PNPLA7: variants seen among roughly 807,000 people sequenced by gnomAD.
PNPLA7 encodes the protein patatin like domain 7, lysophospholipase, also known as patatin-like phospholipase domain-containing protein 7.
In PNPLA7, 153 loss-of-function variants were observed where a neutral mutation model predicts 161.7. That is an observed-to-expected ratio of 0.95 (90% CI 0.83 to 1.08). The LOEUF (loss-of-function observed/expected upper bound fraction) is 1.08, where lower values mean the gene tolerates loss of function less well. PNPLA7 is among the 50% of genes least tolerant of loss of function. The probability of loss-of-function intolerance (pLI) is 0.00; values close to 1 mark genes in which losing one functional copy is unlikely to be tolerated. For missense variants in PNPLA7, 1,739 were observed against 1,856.6 expected (o/e 0.94, Z 1.16); for synonymous variants, 809 against 782.1 (o/e 1.03, Z -0.57).
chr9:137,513,473 T>C (rs1834342348), intron 12 of PNPLA7, among the ~76,000 whole-genome samples: 1 of 136,860 alleles, frequency 7.3e-6, no homozygotes, highest in African/African-American at 2.7e-5. Context: ...TGAAACTCTG[T>C]CACAAAAAAA....
chr9:137,526,862 T>C (rs955585934), intron 8 of PNPLA7, among the ~76,000 whole-genome samples: 2 of 152,242 alleles, frequency 1.3e-5, no homozygotes, highest in African/African-American at 4.8e-5. Context: ...TAGATAATCA[T>C]GTTTGGGAAT....
chr9:137,475,214 A>C lies in PNPLA7; in HGVS notation c.2882+2820T>G, dbSNP rs1413530980. Among the ~76,000 whole-genome samples the C allele has an allele frequency of 6.0e-5, 9 of 151,176 alleles. No homozygotes were observed. The East Asian group carries it at 1.8e-3, about 30-fold the overall frequency. On this transcript the variant is annotated intron_variant, in intron 25 of 34. Transcript: ENST00000406427. ...CCCATCATGCACTTTCAGAATACCAAGAGTGCAGAGTCTCAGGCCAGGCAC... is the reference window on the plus strand; with the variant it reads ...CCCATCATGCACTTTCAGAATACCACGAGTGCAGAGTCTCAGGCCAGGCAC...
At chr9:137,492,038 G>A (rs1358472985) in intron 20 of PNPLA7, 1 of 985,316 alleles carries the variant, frequency 1.0e-6, no homozygotes. Flanking sequence ...GGAGCTCCCA[G>A]AATGGCAAGG....
chr9:137,478,443 G>A (rs915394934), intron 24 of PNPLA7: 1 of 310,938 alleles, frequency 3.2e-6, no homozygotes, highest in Non-Finnish European at 5.9e-6. Context: ...GGGCCAGAAG[G>A]CATCCTCAGA....
At chr9:137,483,440 T>A (rs1273542768) in intron 21 of PNPLA7, among the ~76,000 whole-genome samples, 1 of 152,222 alleles carries the variant, frequency 6.6e-6, no homozygotes, top group Non-Finnish European at 1.5e-5. Flanking sequence ...TTTAAAATTT[T>A]GTTTTGAGAG....
intron 14 of PNPLA7, among the ~76,000 whole-genome samples, chr9:137,505,200 A>G (rs1382712611): frequency 6.6e-6 from 1 of 151,678 alleles, no homozygotes; most frequent in Non-Finnish European, 1.5e-5. Flanking sequence ...AAAAAAAAAA[A>G]AAAAAAAAAG....
At chr9:137,504,804 A>G (rs1485467759) in intron 14 of PNPLA7, among the ~76,000 whole-genome samples, 1 of 152,222 alleles carries the variant, frequency 6.6e-6, no homozygotes, top group Non-Finnish European at 1.5e-5. Flanking sequence ...GTACAGCTGT[A>G]AAGTGATTAG....
intron 26 of PNPLA7, among the ~76,000 whole-genome samples, chr9:137,465,423 C>A (rs1161952518): frequency 1.3e-5 from 2 of 152,300 alleles, no homozygotes; most frequent in Middle Eastern, 6.8e-3. Context: ...GCCCCCCAGC[C>A]CCAGACCCAC....
At chr9:137,461,359 G>A (rs1831184541) in intron 33 of PNPLA7, 177 bp downstream of exon 33, 2 of 652,254 alleles carry the variant, frequency 3.1e-6, no homozygotes, top group Non-Finnish European at 5.1e-6. Flanking sequence ...CCACTGCTGT[G>A]GGAACACGTG....
intron 21 of PNPLA7, among the ~76,000 whole-genome samples, chr9:137,483,457 T>G (rs970927671): frequency 2.6e-5 from 4 of 152,188 alleles, no homozygotes; most frequent in Admixed American, 2.6e-4. Flanking sequence ...AGAGTAACTT[T>G]CATTTATTTA....
At chr9:137,488,821 A>G (rs1832626660) in intron 20 of PNPLA7, among the ~76,000 whole-genome samples, 1 of 144,634 alleles carries the variant, frequency 6.9e-6, no homozygotes, top group African/African-American at 2.6e-5. Flanking sequence ...ACCAGCAGAC[A>G]TCCCTCCAAC....
Position 137,479,099 on chromosome 9 carries a change from C to T in PNPLA7, c.2720G>A (p.Cys907Tyr). ...RSWCSGHLHL[C>Y]CPRRVFSRRS... is the part of the protein sequence containing the mutation. ...CCTGGAGAAGACGCGGCGCGGGCAG[C>T]AGAGGTGCAGGTGGCCGGAGCACCA... is the stretch of plus-strand genomic sequence containing the variant. The change falls in exon 24 of 35, where the codon TGC becomes TAC. Residue 907 changes from cysteine (C) to tyrosine (Y), a missense_variant. Physicochemically the swap from Cys to Tyr is radical, Grantham distance 194 (BLOSUM62 -2). Coordinates refer to ENST00000406427, the MANE Select transcript of PNPLA7 (RefSeq NM_001098537.3). 6.3e-7 allele frequency: 1 copy of T among 1,599,900 alleles called. No individual in the cohort carries two copies. The highest frequency in any genetic ancestry group is 8.5e-7 in the Non-Finnish European group (1 of 1,173,920).
rs920126742 is a variant in PNPLA7 at position 137,547,459 on chromosome 9, C to T, written c.106-63G>A. 1.9e-6 allele frequency: 3 copies of T among 1,599,252 alleles called. No homozygotes were observed. The highest frequency in any genetic ancestry group is 2.7e-5 in the African/African-American group (2 of 74,614). ...CCACAAACCTAACCCTAGCCCTAAG[C>T]CTGCCCCCACCCCTGGCTGCCCAAC... On this transcript the variant is annotated intron_variant, in intron 2 of 34. Coordinates refer to ENST00000406427, the MANE Select transcript of PNPLA7 (RefSeq NM_001098537.3). This position sits in a 1 kb window ranked among gnomAD's most constrained non-coding sequence, Gnocchi z 4.6.
chr9:137,533,070 G>A (rs1469970654), intron 8 of PNPLA7, among the ~76,000 whole-genome samples: 3 of 149,798 alleles, frequency 2.0e-5, no homozygotes, highest in African/African-American at 7.4e-5. Flanking sequence ...CCAGATGGGA[G>A]CACTCTCAGA....
Position 137,486,162 on chromosome 9 carries a change from C to T in PNPLA7, c.2198-1426G>A, listed in dbSNP as rs957881316. Among the ~76,000 whole-genome samples, 2 of 152,018 alleles carry T rather than the reference C, an allele frequency of 1.3e-5. No homozygotes were observed. The highest frequency in any genetic ancestry group is 4.8e-5 in the African/African-American group (2 of 41,376). ...CCAAAATCCACCAGACACGCAGGTC[C>T]TGATTGGCCAAGGTCAGAGTAAGGG... On this transcript the variant is annotated intron_variant, in intron 20 of 34. Transcript: ENST00000406427. This position sits in a 1 kb window ranked among gnomAD's most constrained non-coding sequence, Gnocchi z 6.0.
chr9:137,519,328 C>G (rs536310621), intron 11 of PNPLA7, among the ~76,000 whole-genome samples: 3 of 152,252 alleles, frequency 2.0e-5, no homozygotes, highest in Non-Finnish European at 4.4e-5. Flanking sequence ...TCAGGCCCCC[C>G]GGTTAGCACT....
intron 8 of PNPLA7, among the ~76,000 whole-genome samples, chr9:137,538,275 C>G (rs539963525): frequency 1.3e-5 from 2 of 152,148 alleles, no homozygotes; most frequent in Non-Finnish European, 2.9e-5. Context: ...TCCCAGGGAG[C>G]ACAACGAGAT....
chr9:137,489,748 GAGATGACAAAA>G (rs1832678048), intron 20 of PNPLA7, among the ~76,000 whole-genome samples: 2 of 152,026 alleles, frequency 1.3e-5, no homozygotes, highest in South Asian at 4.1e-4. Flanking sequence ...AAGCAGAATC[GAGATGACAAAA>G]AGCCAAAGAT....
chr9:137,519,973 T>C lies in PNPLA7; in HGVS notation c.1028A>G (p.Tyr343Cys), dbSNP rs1445255516. 7 of 1,612,746 alleles carry C rather than the reference T, an allele frequency of 4.3e-6. No homozygotes were observed. The Admixed American group carries it at 1.0e-4, about 23-fold the overall frequency. The change falls in exon 11 of 35, where the codon TAT becomes TGT. Residue 343 changes from tyrosine to cysteine, a missense_variant. Transcript: ENST00000406427. ...CTTTTTAAGCCGCTCTTCTTCGCCA[T>C]AGAACACCTGCTTCTTGGCCTTCCC... ...AAGKAKKQVF[Y>C]GEEERLKKPP... is the part of the protein sequence containing the mutation.
Sources: allele counts gnomAD v4.1 joint callset (sites outside exome capture counted in the v4.1 genomes callset), GRCh38; gene constraint gnomAD v4.1.1; non-coding constraint Gnocchi (gnomAD v3.1); transcripts MANE v1.5; gene names NCBI Gene and HGNC (gene_info 2026-07-23, HGNC 2026-07-21).